The following ACBD6 variants were observed in gnomAD, a reference collection of about 807,000 sequenced individuals.
The protein encoded by ACBD6 is acyl-CoA-binding domain-containing protein 6.
ACBD6 carries 28 observed loss-of-function variants against 37.2 expected under a neutral mutation model. The observed-to-expected ratio is 0.75, with a 90% CI of 0.56 to 1.03. The LOEUF is 1.03. Ranked by LOEUF, ACBD6 falls within the 50% of genes least tolerant of loss-of-function variation. The pLI, the probability that ACBD6 is intolerant of heterozygous loss-of-function variation, is 0.00. For missense variants in ACBD6, 340 were observed against 337.4 expected, an observed-to-expected ratio of 1.01 and a Z score of -0.06; for synonymous variants, 113 against 126.8, an observed-to-expected ratio of 0.89 and a Z score of 0.73.
chr1:180,442,512 T>C (rs2102015034), intron 3 of ACBD6, among the ~76,000 whole-genome samples: 1 of 152,350 alleles, frequency 6.6e-6, no homozygotes, highest in East Asian at 1.9e-4. Flanking sequence ...TATGAACTAT[T>C]TGAAATTTCA....
At chr1:180,288,609 A>AGG in intron 7 of ACBD6, 92 bp from the exon 8 acceptor site, 1 of 1,411,998 alleles carries the variant, frequency 7.1e-7, no homozygotes. Context: ...CTGAGCAATA[A>AGG]GGAATACTGA....
intron 6 of ACBD6, among the ~76,000 whole-genome samples, chr1:180,327,246 T>C (rs556713265): frequency 4.9e-4 from 75 of 152,308 alleles, no homozygotes; most frequent in African/African-American, 1.7e-3. Flanking sequence ...ATGCTCCTTC[T>C]ATGTGTGGGT....
At chr1:180,341,058 A>G (rs1651969033) in intron 6 of ACBD6, among the ~76,000 whole-genome samples, 1 of 152,154 alleles carries the variant, frequency 6.6e-6, no homozygotes, top group Non-Finnish European at 1.5e-5. Flanking sequence ...TTCCAGCCAT[A>G]TTTAGCTGCT....
chr1:180,334,775 C>T (rs1299583743), intron 6 of ACBD6, among the ~76,000 whole-genome samples: 5 of 152,018 alleles, frequency 3.3e-5, no homozygotes, highest in South Asian at 2.1e-4. Flanking sequence ...AAAAATTAGA[C>T]GAATGGCTAA....
chr1:180,286,119 G>A (rs1480818390), downstream of ACBD6, among the ~76,000 whole-genome samples: 1 of 152,152 alleles, frequency 6.6e-6, no homozygotes, highest in African/African-American at 2.4e-5. Context: ...GGCACAGGGA[G>A]ATGATCTATA....
chr1:180,308,210 T>G (rs1650459442), intron 7 of ACBD6, among the ~76,000 whole-genome samples: 1 of 152,214 alleles, frequency 6.6e-6, no homozygotes, highest in Admixed American at 6.5e-5. Flanking sequence ...GGAATGTCTT[T>G]TCTTGTGTTT....
intron 4 of ACBD6, among the ~76,000 whole-genome samples, chr1:180,424,874 C>A (rs1648520114): frequency 6.6e-6 from 1 of 152,126 alleles, no homozygotes; most frequent in Admixed American, 6.5e-5. Context: ...CATCATGACA[C>A]TGAGCACACA....
chr1:180,364,486 T>C (rs973686974), intron 6 of ACBD6, among the ~76,000 whole-genome samples: 1 of 152,226 alleles, frequency 6.6e-6, no homozygotes, highest in Non-Finnish European at 1.5e-5. Flanking sequence ...AGGGAGGAGA[T>C]ACAACTTTTC....
At chr1:180,310,227 G>A (rs2149288843) in intron 7 of ACBD6, among the ~76,000 whole-genome samples, 1 of 152,192 alleles carries the variant, frequency 6.6e-6, no homozygotes, top group South Asian at 2.1e-4. Context: ...AGGTGTAGTG[G>A]TGCGTGCCTG....
intron 3 of ACBD6, among the ~76,000 whole-genome samples, chr1:180,448,210 C>T (rs1281983207): frequency 6.6e-6 from 1 of 152,090 alleles, no homozygotes; most frequent in Non-Finnish European, 1.5e-5. Context: ...GCAATCCTAC[C>T]AAGACCCATA....
At chr1:180,307,929 T>C (rs1027112852) in intron 7 of ACBD6, among the ~76,000 whole-genome samples, 6 of 152,224 alleles carry the variant, frequency 3.9e-5, no homozygotes, top group Admixed American at 2.6e-4. Context: ...CACTCCAGCC[T>C]GGGTGACAGA....
At position 180,482,656 on chromosome 1, in the gene ACBD6, G is replaced by T. The variant is rs371811193; in HGVS notation, c.384+9613C>A. Reference sequence around the variant, plus strand: ...GGTCACTAAAGGTTTTACTAGATGCGAGTAGAAACGGAGGAAGAGGACAAA... The same window carrying T: ...GGTCACTAAAGGTTTTACTAGATGCTAGTAGAAACGGAGGAAGAGGACAAA... On this transcript the variant is annotated intron_variant, in intron 3 of 7. Coordinates refer to ENST00000367595, the MANE Select transcript of ACBD6 (RefSeq NM_032360.4). 1.4e-4 allele frequency among the ~76,000 whole-genome samples: 22 copies of T among 152,186 alleles called. No individual in the cohort carries two copies. The South Asian group carries it at 2.7e-3, about 19-fold the overall frequency.
intron 6 of ACBD6, among the ~76,000 whole-genome samples, chr1:180,365,900 G>A (rs888857884): frequency 2.0e-5 from 3 of 152,016 alleles, no homozygotes; most frequent in African/African-American, 7.2e-5. Context: ...ATCACTCTGA[G>A]TATATCAGTT....
chr1:180,428,719 A>G (rs1315606513), intron 4 of ACBD6, among the ~76,000 whole-genome samples: 1 of 152,246 alleles, frequency 6.6e-6, no homozygotes, highest in Non-Finnish European at 1.5e-5. Flanking sequence ...AAAATGGCAT[A>G]CAAAATAAAG....
intron 6 of ACBD6, among the ~76,000 whole-genome samples, chr1:180,387,472 C>T (rs1349116150): frequency 6.6e-6 from 1 of 152,216 alleles, no homozygotes; most frequent in African/African-American, 2.4e-5. Flanking sequence ...CATCTGCTAC[C>T]TCTGGGCAGG....
chr1:180,421,160 G>C (rs1439919774), intron 4 of ACBD6, among the ~76,000 whole-genome samples: 2 of 152,066 alleles, frequency 1.3e-5, no homozygotes, highest in Non-Finnish European at 2.9e-5. Context: ...TCCACCTGAT[G>C]CTCTCCCTCC....
At chr1:180,411,618 A>T (rs1647859340) in intron 5 of ACBD6, among the ~76,000 whole-genome samples, 1 of 152,196 alleles carries the variant, frequency 6.6e-6, no homozygotes, top group Non-Finnish European at 1.5e-5. Flanking sequence ...TAAAGACATA[A>T]TGCTACTCTA....
intron 6 of ACBD6, among the ~76,000 whole-genome samples, chr1:180,325,440 T>C (rs1254188064): frequency 1.3e-5 from 2 of 152,176 alleles, no homozygotes; most frequent in African/African-American, 4.8e-5. Context: ...TCAATCTCTT[T>C]TTTATATTTA....
At chr1:180,282,972 GTTTTTT>G (rs34828086) in intron 8 of ACBD6, among the ~76,000 whole-genome samples, 45 of 110,020 alleles carry the variant, frequency 4.1e-4, no homozygotes, top group South Asian at 2.0e-3. Context: ...ATGTCTTTCT[GTTTTTT>G]TTTTTTTTTT....
Sources: allele counts gnomAD v4.1 joint callset (sites outside exome capture counted in the v4.1 genomes callset), GRCh38; gene constraint gnomAD v4.1.1; transcripts MANE v1.5; gene names NCBI Gene and HGNC (gene_info 2026-07-23, HGNC 2026-07-21).